TFCP2: variants seen among roughly 807,000 people sequenced by gnomAD.
TFCP2 encodes alpha-globin transcription factor CP2.
In TFCP2, 33 loss-of-function variants were observed where a neutral mutation model predicts 73.4. The observed-to-expected ratio is 0.45, with a 90% confidence interval of 0.34 to 0.60. The LOEUF is 0.60. Among genes scored for constraint, TFCP2 ranks in the 20% least tolerant of loss-of-function variants. The probability of loss-of-function intolerance (pLI) is 0.01; values close to 1 mark genes in which losing one functional copy is unlikely to be tolerated. For synonymous variants in TFCP2, 193 were observed against 211.6 expected (o/e 0.91, Z 0.76); for missense variants, 352 against 604.0 (o/e 0.58, Z 4.37).
At chr12:51,103,908 G>A (rs1426216659) in intron 9 of TFCP2, 145 bp from the exon 10 acceptor site, 10 of 724,026 alleles carry the variant, frequency 1.4e-5, no homozygotes, top group Admixed American at 2.7e-5. Context: ...CATGCAAGAT[G>A]CTCAAGGAGT....
At chr12:51,144,248 G>C (rs534235733) in intron 1 of TFCP2, among the ~76,000 whole-genome samples, 1 of 151,912 alleles carries the variant, frequency 6.6e-6, no homozygotes, top group Non-Finnish European at 1.5e-5. Context: ...TGCCTAGCCT[G>C]GTCTCAAACT....
At chr12:51,099,902 C>A in intron 11 of TFCP2, 123 bp from the exon 12 acceptor site, 1 of 1,186,720 alleles carries the variant, frequency 8.4e-7, no homozygotes. Context: ...GCTCATTGGC[C>A]AAATGCAATT....
intron 5 of TFCP2, among the ~76,000 whole-genome samples, chr12:51,109,684 T>C (rs1165275248): frequency 6.6e-6 from 1 of 151,882 alleles, no homozygotes; most frequent in East Asian, 1.9e-4. Context: ...AAAGGTTTGC[T>C]TGGCTACTGC....
chr12:51,170,453 C>T (rs1941838225), intron 1 of TFCP2, among the ~76,000 whole-genome samples: 1 of 151,734 alleles, frequency 6.6e-6, no homozygotes, highest in Non-Finnish European at 1.5e-5. Context: ...GCAATCCTCC[C>T]ACCTCAGTCT....
intron 1 of TFCP2, among the ~76,000 whole-genome samples, chr12:51,143,768 G>T (rs1213144057): frequency 6.6e-6 from 1 of 152,062 alleles, no homozygotes; most frequent in Non-Finnish European, 1.5e-5. Context: ...GCTGTCTCTT[G>T]GAAAAGATAG....
rs1329535246 is a variant in TFCP2, at chr12:51,157,444, T to C, written c.122+14857A>G. 2.0e-5 allele frequency among the ~76,000 whole-genome samples: 3 copies of C among 149,174 alleles called. No homozygotes were observed. The East Asian group carries it at 5.8e-4, about 29-fold the overall frequency. ...AATCCTTCTGCCTCAGCCTTCCGAG[T>C]AGCTAGGACTACAGGAATGTGTTAT... On this transcript the variant is annotated intron_variant, in intron 1 of 14. Transcript: ENST00000257915.
At chr12:51,112,177 T>C (rs1192907530) in intron 4 of TFCP2, among the ~76,000 whole-genome samples, 2 of 152,106 alleles carry the variant, frequency 1.3e-5, no homozygotes, top group African/African-American at 2.4e-5. Flanking sequence ...AAAATCATTT[T>C]TAAATTGAGA....
intron 8 of TFCP2, among the ~76,000 whole-genome samples, chr12:51,105,070 G>C (rs1160254279): frequency 6.7e-6 from 1 of 150,088 alleles, no homozygotes; most frequent in South Asian, 2.1e-4. Flanking sequence ...ATGATCCAAG[G>C]GTTATCTCCA....
chr12:51,111,203 G>A (rs1223495344), intron 4 of TFCP2, among the ~76,000 whole-genome samples: 1 of 151,876 alleles, frequency 6.6e-6, no homozygotes, highest in Non-Finnish European at 1.5e-5. Context: ...GAGTGCAGTG[G>A]CACCATCTCA....
In TFCP2 at chr12:51,103,679, T is replaced by C; in HGVS notation, c.1051A>G (p.Asn351Asp). Residue 351 changes from asparagine to aspartate, a missense_variant, in exon 10 of 15, where the codon AAC (asparagine) becomes GAC (aspartate). Asn to Asp is a conservative substitution (Grantham distance 23, BLOSUM62 1). Around this residue, in one of 6 missense-constraint regions of TFCP2, gnomAD observed 194 missense variants for 256.3 expected, o/e 0.76. Transcript: ENST00000257915. Reference protein sequence around the residue: ...RFSTFTRLFTNFSGADLLKLT... With the variant: ...RFSTFTRLFTDFSGADLLKLT... Reference sequence around the variant, plus strand: ...AAAAAGAAAATTTAACCTGAGAAGTTTGTGAAAAGCCTTGTGAATGTAGAA... The same window carrying C: ...AAAAAGAAAATTTAACCTGAGAAGTCTGTGAAAAGCCTTGTGAATGTAGAA... The C allele has an allele frequency of 1.2e-6, 2 of 1,612,970 alleles. No individual in the cohort carries two copies. Among genetic ancestry groups the C allele is most frequent in the Non-Finnish European group, 1.7e-6 (2 of 1,179,688 alleles).
chr12:51,106,004 GTA>G (rs1368677081), intron 8 of TFCP2, among the ~76,000 whole-genome samples: 1 of 152,166 alleles, frequency 6.6e-6, no homozygotes, highest in Non-Finnish European at 1.5e-5. Context: ...AAGATTAAAT[GTA>G]TCCCATAAAT....
chr12:51,154,792 C>T (rs186411796), intron 1 of TFCP2, among the ~76,000 whole-genome samples: 2 of 152,260 alleles, frequency 1.3e-5, no homozygotes, highest in Admixed American at 1.3e-4. Flanking sequence ...CCTTGGGTAA[C>T]TGATATCTCA....
In TFCP2 at chr12:51,095,219, C is replaced by T; in HGVS notation, c.*22G>A. ...TCAGAGGTGAAGGAAGGAGCAGCCA[C>T]TGGGCACGAAACGCCGCACTCCTAC... is the stretch of plus-strand genomic sequence containing the variant. On this transcript the variant is annotated 3_prime_UTR_variant, in exon 15 of 15. Coordinates refer to ENST00000257915, the MANE Select transcript of TFCP2 (RefSeq NM_005653.5). 1 of 1,613,858 alleles carries T rather than the reference C, an allele frequency of 6.2e-7. No individual in the cohort carries two copies. Among genetic ancestry groups the T allele is most frequent in the Non-Finnish European group, 8.5e-7 (1 of 1,179,806 alleles).
At chr12:51,113,261 G>A (rs1940444785) in intron 4 of TFCP2, among the ~76,000 whole-genome samples, 1 of 152,152 alleles carries the variant, frequency 6.6e-6, no homozygotes, top group African/African-American at 2.4e-5. Flanking sequence ...ATTAGTAGCA[G>A]TTAAATTTTT....
chr12:51,157,680 TC>T (rs369675710), intron 1 of TFCP2, among the ~76,000 whole-genome samples: 635 of 54,898 alleles, frequency 0.012, 12 homozygotes, highest in African/African-American at 0.028. Context: ...TTTTTTCTTT[TC>T]TTTTCTTTTT....
intron 1 of TFCP2, among the ~76,000 whole-genome samples, chr12:51,136,302 TAAA>T (rs11312082): frequency 7.3e-5 from 10 of 136,694 alleles, no homozygotes; most frequent in Admixed American, 1.5e-4. Context: ...AGACTCTAAA[TAAA>T]AAAAAAAAAA....
In TFCP2 at chr12:51,101,089, A is replaced by G. The variant is rs376343858; in HGVS notation, c.1151+846T>C. 2.3e-3 allele frequency among the ~76,000 whole-genome samples: 353 copies of G among 152,226 alleles called. 1 individual carries two copies. The highest frequency in any genetic ancestry group is 8.0e-3 in the African/African-American group (333 of 41,542). On this transcript the variant is annotated intron_variant, in intron 11 of 14. Coordinates refer to ENST00000257915, the MANE Select transcript of TFCP2 (RefSeq NM_005653.5). ...GAGGCCAAGGCGGGTGGATCACGAG[A>G]TCAGGAGATCGAGACCATCCTGGCT...
At chr12:51,133,763 C>G (rs1339113009) in intron 1 of TFCP2, among the ~76,000 whole-genome samples, 4 of 151,918 alleles carry the variant, frequency 2.6e-5, no homozygotes, top group Admixed American at 2.0e-4. Flanking sequence ...CCTGTCTCTA[C>G]TAAAAATACA....
intron 1 of TFCP2, among the ~76,000 whole-genome samples, chr12:51,135,020 G>A (rs1025894880): frequency 6.6e-6 from 1 of 152,030 alleles, no homozygotes; most frequent in African/African-American, 2.4e-5. Flanking sequence ...TGAGGTGGGA[G>A]GATCACTTGA....
Sources: gnomAD v4.1 joint callset for allele counts (sites outside exome capture counted in the v4.1 genomes callset) on GRCh38, gnomAD v4.1.1 for gene constraint, gnomAD v4.1.1 regional missense constraint, MANE v1.5 for transcripts, NCBI Gene and HGNC (gene_info 2026-07-23, HGNC 2026-07-21) for gene names.